EHMT1: variants seen among roughly 807,000 people sequenced by gnomAD.
EHMT1 encodes euchromatic histone lysine methyltransferase 1, also known as histone-lysine N-methyltransferase EHMT1.
In EHMT1, 15 loss-of-function variants were observed where a neutral mutation model predicts 147.2. The ratio of observed to expected loss-of-function variants is 0.10; its 90% CI spans 0.07 to 0.16. The LOEUF is 0.16. Among genes scored for constraint, EHMT1 ranks in the 10% least tolerant of loss-of-function variants. The pLI is 1.00. For missense variants in EHMT1, 1,587 were observed against 1,772.4 expected (o/e 0.90, Z 1.88); for synonymous variants, 795 against 709.6 (o/e 1.12, Z -1.91).
In EHMT1 at chr9:137,711,224, G is replaced by A. The variant is rs113668788; in HGVS notation, c.85+194G>A. ...AAACACAAAAGCTCTGCCAGAGAAG[G>A]AACACATTTGTCAAAGTATGAAAAG... On this transcript the variant is annotated intron_variant, in intron 2 of 26. Transcript: ENST00000460843. Among the ~76,000 whole-genome samples, 3,907 of 152,276 alleles carry A rather than the reference G, an allele frequency of 0.026. 98 individuals are homozygous for A. Among genetic ancestry groups the A allele is most frequent in the Non-Finnish European group, 0.03 (2,061 of 68,022 alleles).
At chr9:137,769,123 C>G (rs562859211) in intron 10 of EHMT1, among the ~76,000 whole-genome samples, 24 of 152,340 alleles carry the variant, frequency 1.6e-4, no homozygotes, top group African/African-American at 5.3e-4. Context: ...TTATCACAGT[C>G]TACCTCCAAC....
At chr9:137,816,298 T>C in intron 23 of EHMT1, 1 of 589,634 alleles carries the variant, frequency 1.7e-6, no homozygotes, top group Non-Finnish European at 3.1e-6. Flanking sequence ...GAGCAGGTTG[T>C]TGGGTCAGTC....
chr9:137,645,718 C>T (rs1030914596), intron 1 of EHMT1, among the ~76,000 whole-genome samples: 2 of 152,008 alleles, frequency 1.3e-5, no homozygotes, highest in Non-Finnish European at 2.9e-5. Context: ...GTACTTGCAG[C>T]GCTGAGTGGA....
chr9:137,790,435 G>A lies in EHMT1; in HGVS notation c.2383-413G>A, dbSNP rs1402599079. Among the ~76,000 whole-genome samples the A allele has an allele frequency of 5.3e-5, 8 of 152,286 alleles. No individual in the cohort carries two copies. The East Asian group carries it at 1.2e-3, about 22-fold the overall frequency. On this transcript the variant is annotated intron_variant, in intron 15 of 26. Coordinates refer to ENST00000460843, the MANE Select transcript of EHMT1 (RefSeq NM_024757.5). ...ATCAGGATTTTCCACTTATTTTGGC[G>A]AGTACTAAATCAGTGAGAGGATGCT...
At position 137,716,963 on chromosome 9, in the gene EHMT1, C is replaced by T; in HGVS notation, c.423C>T (p.Ser141=). 1.9e-6 allele frequency: 3 copies of T among 1,611,760 alleles called. No homozygotes were observed. The highest frequency in any genetic ancestry group is 2.5e-6 in the Non-Finnish European group (3 of 1,178,832). ...AGGCACAGCCCTTGAGGACTACCAG[C>T]ACTCTGGCCTCTTCGCTGCCTGGCC... is the stretch of plus-strand genomic sequence containing the variant. ...ALQAQPLRTT[S]TLASSLPGHA... is the part of the protein sequence containing the mutation. The change falls in exon 3 of 27, where the codon AGC becomes AGT. Residue 141 remains serine (S), a synonymous_variant. Coordinates refer to ENST00000460843, the MANE Select transcript of EHMT1 (RefSeq NM_024757.5).
intron 10 of EHMT1, among the ~76,000 whole-genome samples, chr9:137,767,791 C>A (rs143059197): frequency 6.6e-6 from 1 of 151,906 alleles, no homozygotes; most frequent in East Asian, 1.9e-4. Flanking sequence ...CCAGCCTGGG[C>A]GACAGAGCAA....
At chr9:137,645,991 C>T (rs190521350) in intron 1 of EHMT1, among the ~76,000 whole-genome samples, 1 of 152,074 alleles carries the variant, frequency 6.6e-6, no homozygotes, top group Non-Finnish European at 1.5e-5. Context: ...CAGAGTCTTG[C>T]TCTGTTGCCC....
At chr9:137,814,531 G>A (rs1431207643) in intron 22 of EHMT1, 23 bp downstream of exon 22, 3 of 1,601,744 alleles carry the variant, frequency 1.9e-6, no homozygotes, top group Non-Finnish European at 2.5e-6. Context: ...TCGTGTGCGT[G>A]GGCTCAGGTG....
chr9:137,678,432 T>G (rs370200936), intron 1 of EHMT1, among the ~76,000 whole-genome samples: 2 of 152,178 alleles, frequency 1.3e-5, no homozygotes, highest in African/African-American at 4.8e-5. Context: ...TGTGAAATAA[T>G]TTTGTGAAAT....
intron 10 of EHMT1, among the ~76,000 whole-genome samples, chr9:137,770,037 A>C (rs1341377918): frequency 6.6e-6 from 1 of 152,100 alleles, no homozygotes; most frequent in Admixed American, 6.5e-5. Context: ...GGGTTTTGTC[A>C]TCTTGCCCAG....
chr9:137,622,904 C>A (rs1169276045), intron 1 of EHMT1, among the ~76,000 whole-genome samples: 1 of 136,938 alleles, frequency 7.3e-6, no homozygotes, highest in South Asian at 2.3e-4. Flanking sequence ...AAAATCCTGT[C>A]TCAAAAAAAA....
chr9:137,789,506 G>A (rs1057302639), intron 15 of EHMT1, among the ~76,000 whole-genome samples: 1 of 152,272 alleles, frequency 6.6e-6, no homozygotes. Context: ...ATTAGCTGTC[G>A]TAGACTTCTG....
At chr9:137,742,631 A>G (rs1357043449) in intron 4 of EHMT1, among the ~76,000 whole-genome samples, 1 of 152,192 alleles carries the variant, frequency 6.6e-6, no homozygotes, top group Non-Finnish European at 1.5e-5. Flanking sequence ...GGGAGCCCCC[A>G]GGCCCCTTCC....
intron 16 of EHMT1, among the ~76,000 whole-genome samples, chr9:137,793,573 CAA>C (rs1952686051): frequency 6.6e-6 from 1 of 152,264 alleles, no homozygotes; most frequent in South Asian, 2.1e-4. Flanking sequence ...ACCAGGAACA[CAA>C]AGAGATCTTC....
intron 16 of EHMT1, among the ~76,000 whole-genome samples, chr9:137,791,477 A>G (rs1214329023): frequency 6.6e-6 from 1 of 152,266 alleles, no homozygotes; most frequent in Non-Finnish European, 1.5e-5. Flanking sequence ...GAAGTATTCA[A>G]AAAAGAAATT....
intron 1 of EHMT1, among the ~76,000 whole-genome samples, chr9:137,645,378 T>A (rs894596287): frequency 1.3e-5 from 2 of 152,260 alleles, no homozygotes; most frequent in African/African-American, 4.8e-5. Flanking sequence ...ATTTATCCAT[T>A]CATGTGTTCC....
At chr9:137,669,672 A>G (rs1940302069) in intron 1 of EHMT1, among the ~76,000 whole-genome samples, 1 of 150,600 alleles carries the variant, frequency 6.6e-6, no homozygotes, top group South Asian at 2.1e-4. Flanking sequence ...CATTGCCTTT[A>G]GTACACAGAC....
chr9:137,752,041 C>G lies in EHMT1; in HGVS notation c.1171-290C>G, dbSNP rs191599391. Among the ~76,000 whole-genome samples, 1,191 of 152,356 alleles carry G rather than the reference C, an allele frequency of 7.8e-3. 25 individuals are homozygous for G. The highest frequency in any genetic ancestry group is 0.027 in the African/African-American group (1,138 of 41,582). On this transcript the variant is annotated intron_variant, in intron 6 of 26. Transcript: ENST00000460843. Reference sequence around the variant, plus strand: ...CAGCACCCAGCGGGTGAGCTCTTGCCTCAGTCCGCACCAGGGCAGCCACTC... The same window carrying G: ...CAGCACCCAGCGGGTGAGCTCTTGCGTCAGTCCGCACCAGGGCAGCCACTC...
rs574821057 is a variant in EHMT1 at position 137,622,462 on chromosome 9, T to G, written c.21+3413T>G. 1.3e-4 allele frequency among the ~76,000 whole-genome samples: 20 copies of G among 152,298 alleles called. No individual in the cohort carries two copies. In the East Asian group the frequency reaches 3.5e-3, roughly 27 times the overall value. ...CTAGAGAAGAAGCAGCCCACTTGCA[T>G]CTCTTGAGCATTTACTTCATGTTTC... On this transcript the variant is annotated intron_variant, in intron 1 of 26. Coordinates refer to ENST00000460843, the MANE Select transcript of EHMT1 (RefSeq NM_024757.5).
Sources: allele counts gnomAD v4.1 joint callset (sites outside exome capture counted in the v4.1 genomes callset), GRCh38; gene constraint gnomAD v4.1.1; transcripts MANE v1.5; gene names NCBI Gene and HGNC (gene_info 2026-07-23, HGNC 2026-07-21).